KIF25: variants seen among roughly 807,000 people sequenced by gnomAD.
KIF25 encodes the protein kinesin family member 25.
KIF25 carries 19 observed loss-of-function variants against 32.9 expected under a neutral mutation model. That is an observed-to-expected ratio of 0.58 (90% CI 0.40 to 0.85). KIF25 has a LOEUF of 0.85. Ranked by LOEUF, KIF25 falls within the 40% of genes least tolerant of loss-of-function variation. KIF25 has a pLI of 0.00. For missense variants in KIF25, 485 were observed against 507.0 expected (o/e 0.96, Z 0.42); for synonymous variants, 225 against 213.7 (o/e 1.05, Z -0.46).
At position 168,044,950 on chromosome 6, in the gene KIF25, A is replaced by G. The variant is rs776564690; in HGVS notation, c.1109A>G (p.Lys370Arg). ...CAAGTCCAGCGAGGCCCTGCCCGAA[A>G]GAAGCCGCCCAGCTCCCAAACGGAG... ...ARQVQRGPARKKPPSSQTEGK... is the reference protein window; with the variant it reads ...ARQVQRGPARRKPPSSQTEGK... Residue 370 changes from lysine to arginine, a missense_variant, in exon 13 of 13, where the codon AAG becomes AGG. Coordinates refer to ENST00000643607, the MANE Select transcript of KIF25 (RefSeq NM_030615.4). 1 of 1,611,116 alleles carries G rather than the reference A, an allele frequency of 6.2e-7. No individual in the cohort carries two copies. The highest frequency in any genetic ancestry group is 1.1e-5 in the South Asian group (1 of 90,948).
rs1351409422 is a variant in KIF25, at chr6:167,997,902, T to C, written c.-1567T>C. The stretch of plus-strand genomic sequence containing the variant: ...CTGCGAAGCTTCTCTTCCCTGGCCA[T>C]GCCGAGAGGTTCTCCAGCTGTTAGA... On this transcript the variant is annotated 5_prime_UTR_variant, in exon 1 of 13. It removes an upstream start codon present in the reference 5' UTR. Transcript: ENST00000643607. 6.6e-6 allele frequency among the ~76,000 whole-genome samples: 1 copy of C among 152,194 alleles called. No individual in the cohort carries two copies. Among genetic ancestry groups the C allele is most frequent in the Non-Finnish European group, 1.5e-5 (1 of 68,026 alleles).
At chr6:168,035,291 C>T (rs1799000213) in intron 8 of KIF25, among the ~76,000 whole-genome samples, 1 of 151,452 alleles carries the variant, frequency 6.6e-6, no homozygotes, top group South Asian at 2.1e-4. Context: ...GGCCGTTTCC[C>T]CCTCAGCTGG....
rs1799093368 is a variant in KIF25, at chr6:168,040,055, T to A, written c.495-10T>A. ...CTCACTGTGTTCCCCACTGCTTGCCTTGTCTGTAGGGCTGTCGGCAGCGCC... is the reference window on the plus strand; with the variant it reads ...CTCACTGTGTTCCCCACTGCTTGCCATGTCTGTAGGGCTGTCGGCAGCGCC... On this transcript the variant is annotated splice_polypyrimidine_tract_variant and intron_variant, in intron 9 of 12. Coordinates refer to ENST00000643607, the MANE Select transcript of KIF25 (RefSeq NM_030615.4). The A allele has an allele frequency of 1.2e-6, 2 of 1,607,286 alleles. No homozygotes were observed. The highest frequency in any genetic ancestry group is 1.7e-6 in the Non-Finnish European group (2 of 1,175,648).
At chr6:168,009,796 T>G (rs2636357) in intron 4 of KIF25, among the ~76,000 whole-genome samples, 82,437 of 151,818 alleles carry the variant, frequency 0.54, 22,645 homozygotes, top group Non-Finnish European at 0.59. Context: ...TTGTTCAATC[T>G]TGGTAGATTA....
intron 5 of KIF25, among the ~76,000 whole-genome samples, chr6:168,020,726 C>A (rs1798777191): frequency 6.6e-6 from 1 of 151,272 alleles, no homozygotes; most frequent in African/African-American, 2.4e-5. Flanking sequence ...GAGATATATA[C>A]AATAAGCTAA....
chr6:168,010,593 C>G (rs948919602), intron 4 of KIF25, among the ~76,000 whole-genome samples: 1 of 152,120 alleles, frequency 6.6e-6, no homozygotes, highest in African/African-American at 2.4e-5. Flanking sequence ...AAAATGTATT[C>G]TGTAGCTGTT....
intron 6 of KIF25, 85 bp downstream of exon 6, chr6:168,029,762 C>A: frequency 6.8e-7 from 1 of 1,478,032 alleles, no homozygotes. Flanking sequence ...ATTCTTTCTA[C>A]TTTTGTATCT....
chr6:168,022,737 T>C (rs1038261815), intron 5 of KIF25, among the ~76,000 whole-genome samples: 4 of 151,694 alleles, frequency 2.6e-5, no homozygotes, highest in African/African-American at 9.7e-5. Flanking sequence ...TTATCTTTGG[T>C]GAGGAGTTTT....
intron 7 of KIF25, among the ~76,000 whole-genome samples, chr6:168,033,573 C>G (rs752998380): frequency 6.6e-6 from 1 of 151,794 alleles, no homozygotes; most frequent in Non-Finnish European, 1.5e-5. Context: ...GGTCAGAATC[C>G]CTATGTGAAT....
intron 5 of KIF25, among the ~76,000 whole-genome samples, chr6:168,021,952 A>G (rs138029592): frequency 8.3e-4 from 127 of 152,338 alleles, no homozygotes; most frequent in African/African-American, 2.9e-3. Context: ...TCCAAATCAA[A>G]GTGAAGCTGC....
In KIF25 at chr6:167,998,148, C is replaced by T. The variant is rs1481557757; in HGVS notation, c.-1321C>T. 4 of 151,320 alleles carry T rather than the reference C, an allele frequency of 2.6e-5. No individual in the cohort carries two copies. The East Asian group carries it at 7.7e-4, about 29-fold the overall frequency. 9.4% of individuals were successfully genotyped at this position (151,320 alleles called of 1,614,324 possible). On this transcript the variant is annotated 5_prime_UTR_variant, in exon 1 of 13. Transcript: ENST00000643607. ...AAGCACCTGGCACTTCAGAAAGTCT[C>T]ACTACGCTGCAGCTTTTTTTTTTTT...
At chr6:168,008,034 A>G (rs1798601274) in intron 4 of KIF25, among the ~76,000 whole-genome samples, 1 of 147,642 alleles carries the variant, frequency 6.8e-6, no homozygotes, top group Non-Finnish European at 1.5e-5. Flanking sequence ...TTCCTTTAAT[A>G]GAACATTCTC....
intron 6 of KIF25, among the ~76,000 whole-genome samples, chr6:168,030,055 C>G (rs1180819719): frequency 6.6e-6 from 1 of 152,232 alleles, no homozygotes; most frequent in Non-Finnish European, 1.5e-5. Context: ...CAACCAACCA[C>G]CAGTGCTGGG....
chr6:168,037,983 G>T (rs1440219909), intron 8 of KIF25, among the ~76,000 whole-genome samples: 1 of 152,112 alleles, frequency 6.6e-6, no homozygotes, highest in Non-Finnish European at 1.5e-5. Context: ...TGAAGTGCTG[G>T]AATTACAGGT....
chr6:168,022,646 G>C (rs1003562795), intron 5 of KIF25, among the ~76,000 whole-genome samples: 18 of 152,166 alleles, frequency 1.2e-4, no homozygotes, highest in Non-Finnish European at 2.5e-4. Flanking sequence ...TCTTGTGGCG[G>C]CTGCTGTATT....
chr6:168,044,768 T>C, intron 12 of KIF25, 59 bp from the exon 13 acceptor site: 1 of 1,494,670 alleles, frequency 6.7e-7, no homozygotes, highest in Non-Finnish European at 9.0e-7. Flanking sequence ...TGCTGGCATG[T>C]TGGCACTTTC....
In KIF25 at chr6:168,044,909, C is replaced by T. The variant is rs770880704; in HGVS notation, c.1068C>T (p.Phe356=). The T allele has an allele frequency of 3.3e-5, 53 of 1,613,066 alleles. No individual in the cohort carries two copies. The highest frequency in any genetic ancestry group is 2.5e-4 in the South Asian group (23 of 91,062). ...CACAGACGTTGCAGGGCCTGGGTTT[C>T]GGGATCCGAGCTCGGCAAGTCCAGC... ...HLAQTLQGLG[F]GIRARQVQRG... is the part of the protein sequence containing the mutation. Residue 356 remains phenylalanine (F), a synonymous_variant, in exon 13 of 13, where the codon TTC becomes TTT. Transcript: ENST00000643607.
chr6:168,043,310 G>T lies in KIF25; in HGVS notation c.985+594G>T, dbSNP rs113553756. Among the ~76,000 whole-genome samples, 1,143 of 152,288 alleles carry T rather than the reference G, an allele frequency of 7.5e-3. 12 individuals carry two copies. Among genetic ancestry groups the T allele is most frequent in the African/African-American group, 0.026 (1,096 of 41,552 alleles). On this transcript the variant is annotated intron_variant, in intron 12 of 12. Transcript: ENST00000643607. ...GCATTGCGGCTCTTCCTGACTCAGGGTGCAGGCAGAGTCCCCCAGAGGTGG... is the reference window on the plus strand; with the variant it reads ...GCATTGCGGCTCTTCCTGACTCAGGTTGCAGGCAGAGTCCCCCAGAGGTGG...
chr6:168,026,976 G>A (rs1798868588), intron 5 of KIF25, among the ~76,000 whole-genome samples: 2 of 152,164 alleles, frequency 1.3e-5, no homozygotes, highest in South Asian at 4.1e-4. Flanking sequence ...AGACACAAGG[G>A]ATGTAGGTGA....
Sources: allele counts gnomAD v4.1 joint callset (sites outside exome capture counted in the v4.1 genomes callset), GRCh38; gene constraint gnomAD v4.1.1; transcripts MANE v1.5; gene names NCBI Gene and HGNC (gene_info 2026-07-23, HGNC 2026-07-21).